Variants in DPT observed in about 807,000 individuals in gnomAD.
DPT encodes the protein dermatopontin, also known as tyrosine-rich acidic matrix protein.
Under a neutral mutation model 31.2 loss-of-function variants are expected in DPT, and 21 were observed. The ratio of observed to expected loss-of-function variants is 0.67; its 90% CI spans 0.48 to 0.97. DPT has a LOEUF of 0.97. DPT is among the 50% of genes least tolerant of loss of function. The pLI is 0.00. For missense variants in DPT, 262 were observed against 258.8 expected, an observed-to-expected ratio of 1.01 and a Z score of -0.08; for synonymous variants, 91 against 86.9, an observed-to-expected ratio of 1.05 and a Z score of -0.26.
In DPT at chr1:168,728,854, A is replaced by G; in HGVS notation, c.305+16T>C. On this transcript the variant is annotated intron_variant, in intron 1 of 3. Transcript: ENST00000367817. ...GATGTTCCCAGCCCCAGTGCAGTGCAGGGACTGGCCCTTACCATTCCATGC... is the reference window on the plus strand; with the variant it reads ...GATGTTCCCAGCCCCAGTGCAGTGCGGGGACTGGCCCTTACCATTCCATGC... 6.2e-7 allele frequency: 1 copy of G among 1,612,696 alleles called. No homozygotes were observed. Among genetic ancestry groups the G allele is most frequent in the South Asian group, 1.1e-5 (1 of 90,972 alleles).
chr1:168,701,479 C>G (rs1451391258), intron 2 of DPT, among the ~76,000 whole-genome samples: 2 of 152,068 alleles, frequency 1.3e-5, no homozygotes, highest in African/African-American at 4.8e-5. Context: ...GATTATGATT[C>G]ATTAGTTGAT....
chr1:168,728,867 T>A lies in DPT; in HGVS notation c.305+3A>T. The A allele has an allele frequency of 6.2e-7, 1 of 1,613,980 alleles. No individual in the cohort carries two copies. Among genetic ancestry groups the A allele is most frequent in the Non-Finnish European group, 8.5e-7 (1 of 1,179,880 alleles). The stretch of plus-strand genomic sequence containing the variant: ...CCAGTGCAGTGCAGGGACTGGCCCT[T>A]ACCATTCCATGCCAGCCCTGTTGAT... On this transcript the variant is annotated splice_donor_region_variant and intron_variant, in intron 1 of 3. Transcript: ENST00000367817.
chr1:168,706,307 A>G (rs979134232), intron 2 of DPT, among the ~76,000 whole-genome samples: 8 of 152,174 alleles, frequency 5.3e-5, no homozygotes, highest in African/African-American at 1.9e-4. Context: ...TCCCTTTCTG[A>G]CAGTCAAATC....
intron 2 of DPT, among the ~76,000 whole-genome samples, chr1:168,710,753 G>A (rs564219475): frequency 2.0e-5 from 3 of 152,182 alleles, no homozygotes; most frequent in East Asian, 3.9e-4. Context: ...CCAGTCTCCA[G>A]GTGACCACTG....
intron 1 of DPT, among the ~76,000 whole-genome samples, chr1:168,723,664 C>T (rs1173808028): frequency 6.6e-6 from 1 of 152,124 alleles, no homozygotes; most frequent in Non-Finnish European, 1.5e-5. Context: ...CAGTTCCTAA[C>T]CTGACAGCAA....
At chr1:168,722,720 G>A (rs1650146631) in intron 1 of DPT, among the ~76,000 whole-genome samples, 1 of 152,142 alleles carries the variant, frequency 6.6e-6, no homozygotes. Context: ...TTTTAGTTGT[G>A]AAAGCTGAGT....
chr1:168,728,323 A>G (rs1374787041), intron 1 of DPT, among the ~76,000 whole-genome samples: 10 of 152,222 alleles, frequency 6.6e-5, no homozygotes, highest in Non-Finnish European at 1.2e-4. Context: ...TCTTTTGCCT[A>G]AATGTCCTTG....
Position 168,695,631 on chromosome 1 carries a change from T to A in DPT, c.*918A>T, listed in dbSNP as rs532294472. 1 of 152,276 alleles carries A rather than the reference T, an allele frequency of 6.6e-6. No individual in the cohort carries two copies. The highest frequency in any genetic ancestry group is 2.1e-4 in the South Asian group (1 of 4,814). The allele number at this position is 152,276 out of a possible 1,614,324, so 9.4% of individuals were successfully genotyped here. A position where few individuals can be genotyped will look rare whatever the true frequency, so the allele number is the denominator to read the frequency against. ...AGGGCAGCCTTTCCCACCAAAAAAATCAGGCCCAATCCAGGAGAGTTTGCC... is the reference window on the plus strand; with the variant it reads ...AGGGCAGCCTTTCCCACCAAAAAAAACAGGCCCAATCCAGGAGAGTTTGCC... On this transcript the variant is annotated 3_prime_UTR_variant, in exon 4 of 4. Coordinates refer to ENST00000367817, the MANE Select transcript of DPT (RefSeq NM_001937.5).
chr1:168,701,584 G>A (rs1412531534), intron 2 of DPT, among the ~76,000 whole-genome samples: 2 of 152,284 alleles, frequency 1.3e-5, no homozygotes, highest in Admixed American at 6.5e-5. Flanking sequence ...GTCTATGTAT[G>A]TAAACATTTT....
intron 1 of DPT, among the ~76,000 whole-genome samples, chr1:168,724,477 A>C (rs1650192489): frequency 6.6e-6 from 1 of 152,108 alleles, no homozygotes; most frequent in African/African-American, 2.4e-5. Context: ...GGCACTGGGG[A>C]TACAGTGGTG....
chr1:168,720,058 G>C (rs538618588), intron 1 of DPT, among the ~76,000 whole-genome samples: 2 of 152,318 alleles, frequency 1.3e-5, no homozygotes, highest in South Asian at 2.1e-4. Context: ...CATAACAGCA[G>C]TGGGGTGCAG....
Position 168,728,899 on chromosome 1 carries a change from C to T in DPT, c.276G>A (p.Trp92Ter), listed in dbSNP as rs1453026724. 6.2e-7 allele frequency: 1 copy of T among 1,614,196 alleles called. No homozygotes were observed. Among genetic ancestry groups the T allele is most frequent in the Admixed American group, 1.7e-5 (1 of 60,026 alleles). ...QSLGEPTECW[W>*]EEINRAGMEW... ...CCATGCCAGCCCTGTTGATCTCCTC[C>T]CACCAGCACTCCGTGGGTTCCCCGA... The change falls in exon 1 of 4, where the codon TGG (tryptophan) becomes TGA (stop). Residue 92 changes from tryptophan to a stop codon, truncating the protein, a stop_gained. Transcript: ENST00000367817. LOFTEE classifies it high-confidence loss of function.
chr1:168,708,988 T>G (rs1034016021), intron 2 of DPT, among the ~76,000 whole-genome samples: 1 of 152,192 alleles, frequency 6.6e-6, no homozygotes, highest in Non-Finnish European at 1.5e-5. Flanking sequence ...AAGCACTCTC[T>G]GGCTTATGAC....
intron 1 of DPT, among the ~76,000 whole-genome samples, chr1:168,716,377 C>T (rs1649986988): frequency 6.6e-6 from 1 of 152,058 alleles, no homozygotes; most frequent in South Asian, 2.1e-4. Flanking sequence ...ATTCCCTGTT[C>T]CCAGGACTTG....
rs541153173 is a variant in DPT, at chr1:168,695,881, C to G, written c.*668G>C. On this transcript the variant is annotated 3_prime_UTR_variant, in exon 4 of 4. Coordinates refer to ENST00000367817, the MANE Select transcript of DPT (RefSeq NM_001937.5). ...CACGGGTTCCCCTGGCCCCTGCACT[C>G]ATTTTCCTTACTGGGTATGCTAACG... 3.4e-6 allele frequency: 1 copy of G among 295,382 alleles called. No homozygotes were observed. The highest frequency in any genetic ancestry group is 1.6e-4 in the South Asian group (1 of 6,080). 18.3% of individuals were successfully genotyped at this position (295,382 alleles called of 1,614,324 possible).
At chr1:168,720,693 GC>G (rs1308140619) in intron 1 of DPT, among the ~76,000 whole-genome samples, 4 of 152,038 alleles carry the variant, frequency 2.6e-5, no homozygotes, top group Non-Finnish European at 5.9e-5. Context: ...GAGAAGTTTT[GC>G]CCATGATCTA....
At chr1:168,705,407 T>G (rs1649697376) in intron 2 of DPT, among the ~76,000 whole-genome samples, 1 of 152,104 alleles carries the variant, frequency 6.6e-6, no homozygotes, top group South Asian at 2.1e-4. Context: ...GGAAACATCA[T>G]ATCCCCAACC....
chr1:168,724,563 G>A (rs965576741), intron 1 of DPT, among the ~76,000 whole-genome samples: 1 of 152,076 alleles, frequency 6.6e-6, no homozygotes, highest in African/African-American at 2.4e-5. Context: ...ATGCCAATCA[G>A]GTAGTGACAA....
At chr1:168,721,142 G>A (rs947950953) in intron 1 of DPT, among the ~76,000 whole-genome samples, 4 of 152,232 alleles carry the variant, frequency 2.6e-5, no homozygotes, top group African/African-American at 4.8e-5. Flanking sequence ...AGTGGTTGGG[G>A]ACAGTGGAGC....
Sources: gnomAD v4.1 joint callset for allele counts (sites outside exome capture counted in the v4.1 genomes callset) on GRCh38, gnomAD v4.1.1 for gene constraint, MANE v1.5 for transcripts, NCBI Gene and HGNC (gene_info 2026-07-23, HGNC 2026-07-21) for gene names.